Variants in COL1A2 observed in about 807,000 individuals in gnomAD.
The protein encoded by COL1A2 is collagen alpha-2(I) chain.
COL1A2 carries 49 observed loss-of-function variants against 174.3 expected under a neutral mutation model. The observed-to-expected ratio is 0.28, with a 90% CI of 0.22 to 0.36. The LOEUF is 0.36. Ranked by LOEUF, COL1A2 falls within the 10% of genes least tolerant of loss-of-function variation. The pLI is 1.00. For missense variants in COL1A2, 1,438 were observed against 1,822.7 expected, an observed-to-expected ratio of 0.79 and a Z score of 3.84; for synonymous variants, 655 against 606.6, an observed-to-expected ratio of 1.08 and a Z score of -1.17.
At chr7:94,422,598 G>T (rs1246985716) in intron 39 of COL1A2, 3 of 196,898 alleles carry the variant, frequency 1.5e-5, no homozygotes, top group South Asian at 1.0e-4. Context: ...GAAGAAAAAA[G>T]AAAAGGCAAA....
rs142388992 is a variant in COL1A2, at chr7:94,415,240, G to A, written c.1734G>A (p.Glu578=). 1.2e-6 allele frequency: 2 copies of A among 1,613,870 alleles called. No homozygotes were observed. Among genetic ancestry groups the A allele is most frequent in the East Asian group, 4.5e-5 (2 of 44,854 alleles). Residue 578 remains glutamate, a synonymous_variant, in exon 30 of 52, where the codon GAG becomes GAA. Transcript: ENST00000297268. ...GKPGERGLHG[E]FGLPGPAGPR... is the part of the protein sequence containing the mutation. ...GTTTTGTCTAGGGTCTCCATGGTGA[G>A]TTTGGTCTCCCTGGTCCTGCTGGTC...
chr7:94,425,595 G>T lies in COL1A2; in HGVS notation c.2782-15G>T. On this transcript the variant is annotated splice_polypyrimidine_tract_variant and intron_variant, in intron 42 of 51. Coordinates refer to ENST00000297268, the MANE Select transcript of COL1A2 (RefSeq NM_000089.4). ...AGCCTCACCAACAGCCTTAATTTGTGTGGTGTCTTCACAGGGCAACCCTGG... is the reference window on the plus strand; with the variant it reads ...AGCCTCACCAACAGCCTTAATTTGTTTGGTGTCTTCACAGGGCAACCCTGG... The T allele has an allele frequency of 6.2e-7, 1 of 1,613,826 alleles. No homozygotes were observed. Among genetic ancestry groups the T allele is most frequent in the Non-Finnish European group, 8.5e-7 (1 of 1,179,722 alleles).
intron 31 of COL1A2, chr7:94,416,939 C>T (rs549548467): frequency 2.5e-5 from 4 of 161,814 alleles, no homozygotes; most frequent in Non-Finnish European, 5.4e-5. Flanking sequence ...AATACATTCA[C>T]CCCCAAAAAT....
chr7:94,409,886 A>G, intron 19 of COL1A2, 65 bp downstream of exon 19: 1 of 1,441,540 alleles, frequency 6.9e-7, no homozygotes, highest in Non-Finnish European at 9.8e-7. Flanking sequence ...TTTCATCACT[A>G]TCTAGACTTC....
At chr7:94,397,888 T>G in intron 2 of COL1A2, 130 bp downstream of exon 2, 1 of 599,524 alleles carries the variant, frequency 1.7e-6, no homozygotes, top group South Asian at 2.3e-5. Flanking sequence ...TTGTGAAGAA[T>G]TATGATAGTC....
Position 94,412,051 on chromosome 7 carries a change from C to A in COL1A2, c.1351-17C>A, listed in dbSNP as rs752650272. 5 of 1,604,508 alleles carry A rather than the reference C, an allele frequency of 3.1e-6. No individual in the cohort carries two copies. The highest frequency in any genetic ancestry group is 4.3e-6 in the Non-Finnish European group (5 of 1,173,054). ...AGTTAAAGTGCCAATATAAAAACATCCTCATTTATTTTATAGGGTCTTCCT... is the reference window on the plus strand; with the variant it reads ...AGTTAAAGTGCCAATATAAAAACATACTCATTTATTTTATAGGGTCTTCCT... On this transcript the variant is annotated splice_polypyrimidine_tract_variant and intron_variant, in intron 23 of 51. Transcript: ENST00000297268.
intron 6 of COL1A2, among the ~76,000 whole-genome samples, chr7:94,403,177 G>A (rs1185886484): frequency 6.6e-6 from 1 of 152,104 alleles, no homozygotes; most frequent in African/African-American, 2.4e-5. Context: ...AATTAATATG[G>A]ATTTCAGATA....
intron 5 of COL1A2, 132 bp downstream of exon 5, chr7:94,400,420 GT>G (rs996174343): frequency 1.1e-6 from 1 of 872,544 alleles, no homozygotes; most frequent in Admixed American, 2.1e-5. Flanking sequence ...CATTTATTTG[GT>G]TTTTTCACTC....
chr7:94,396,016 C>A (rs1347409309), intron 1 of COL1A2, among the ~76,000 whole-genome samples: 2 of 152,064 alleles, frequency 1.3e-5, no homozygotes, highest in Non-Finnish European at 2.9e-5. Context: ...ATGAGTCTGA[C>A]ACCAATTTGC....
At chr7:94,405,128 A>G in intron 9 of COL1A2, 71 bp from the exon 10 acceptor site, 1 of 1,529,426 alleles carries the variant, frequency 6.5e-7, no homozygotes, top group South Asian at 1.1e-5. Flanking sequence ...CTTTTGTAAA[A>G]ACCAAGATTC....
intron 47 of COL1A2, 56 bp downstream of exon 47, chr7:94,427,117 G>A: frequency 6.2e-7 from 1 of 1,610,550 alleles, no homozygotes; most frequent in Non-Finnish European, 8.5e-7. Flanking sequence ...AAAGCGAGCA[G>A]TGAGCCCCAG....
In COL1A2 at chr7:94,409,187, G is replaced by A. The variant is rs761074621; in HGVS notation, c.793-135G>A. ...AAATAGGAAACCAAACTCAAATCTT[G>A]TAATAAAACGGATAAGAAAAATAAT... is the stretch of plus-strand genomic sequence containing the variant. On this transcript the variant is annotated intron_variant, in intron 16 of 51. Transcript: ENST00000297268. 1.9e-5 allele frequency: 17 copies of A among 907,014 alleles called. No individual in the cohort carries two copies. The South Asian group carries it at 2.3e-4, about 12-fold the overall frequency. The allele number at this position is 907,014 out of a possible 1,614,324, so 56.2% of individuals were successfully genotyped here.
intron 18 of COL1A2, 40 bp downstream of exon 18, chr7:94,409,648 T>C (rs1343088429): frequency 6.2e-7 from 1 of 1,613,864 alleles, no homozygotes; most frequent in African/African-American, 1.3e-5. Context: ...TGCTATGATT[T>C]TAAAGGCATT....
At chr7:94,403,534 A>G (rs891340717) in intron 6 of COL1A2, among the ~76,000 whole-genome samples, 2 of 152,212 alleles carry the variant, frequency 1.3e-5, no homozygotes, top group Non-Finnish European at 2.9e-5. Flanking sequence ...TTTTTAATGT[A>G]TGCCTAAAAA....
At chr7:94,427,384 T>A in intron 48 of COL1A2, 89 bp downstream of exon 48, 1 of 1,291,160 alleles carries the variant, frequency 7.7e-7, no homozygotes, top group Non-Finnish European at 1.1e-6. Flanking sequence ...TGACAACCCA[T>A]TAAAGTTAGC....
rs375839817 is a variant in COL1A2 at position 94,404,800 on chromosome 7, T to C, written c.379-39T>C. On this transcript the variant is annotated intron_variant, in intron 8 of 51. Coordinates refer to ENST00000297268, the MANE Select transcript of COL1A2 (RefSeq NM_000089.4). ...AGTTTTTTTCCAGGAAGTTTATGAA[T>C]ATAACCTTAGTGAAATGATGGGTCT... The C allele has an allele frequency of 4.8e-5, 77 of 1,613,944 alleles. No individual in the cohort carries two copies. In the African/African-American group the frequency reaches 9.5e-4, roughly 20 times the overall value.
chr7:94,395,368 C>A (rs878979143), intron 1 of COL1A2: 12 of 514,638 alleles, frequency 2.3e-5, no homozygotes, highest in Admixed American at 5.7e-5. Context: ...AGCTTAGTAA[C>A]CCCCAAAGGG....
chr7:94,423,236 C>A, intron 40 of COL1A2, 118 bp downstream of exon 40: 1 of 1,225,152 alleles, frequency 8.2e-7, no homozygotes, highest in Non-Finnish European at 1.2e-6. Flanking sequence ...TCAAGTAGAG[C>A]TCAGTTGAGC....
chr7:94,424,480 A>G (rs1268244253), intron 41 of COL1A2, 37 bp downstream of exon 41: 2 of 1,581,200 alleles, frequency 1.3e-6, no homozygotes, highest in South Asian at 1.1e-5. Flanking sequence ...CATTAACATA[A>G]GAAAAGATTT....
Sources: allele counts gnomAD v4.1 joint callset (sites outside exome capture counted in the v4.1 genomes callset), GRCh38; gene constraint gnomAD v4.1.1; transcripts MANE v1.5; gene names NCBI Gene and HGNC (gene_info 2026-07-23, HGNC 2026-07-21).